Variants in ZMPSTE24 observed in about 807,000 individuals in gnomAD.
ZMPSTE24 encodes the protein zinc metallopeptidase STE24.
ZMPSTE24 carries 48 observed loss-of-function variants against 56.7 expected under a neutral mutation model. The ratio of observed to expected loss-of-function variants is 0.85; its 90% CI spans 0.67 to 1.08. The LOEUF (loss-of-function observed/expected upper bound fraction) is 1.08, where lower values mean the gene tolerates loss of function less well. Among genes scored for constraint, ZMPSTE24 ranks in the 50% least tolerant of loss-of-function variants. The probability of loss-of-function intolerance (pLI) is 0.00; values close to 1 mark genes in which losing one functional copy is unlikely to be tolerated. For synonymous variants in ZMPSTE24, 172 were observed against 195.2 expected, an observed-to-expected ratio of 0.88 and a Z score of 0.99; for missense variants, 503 against 548.7, an observed-to-expected ratio of 0.92 and a Z score of 0.83.
At chr1:40,267,901 A>AT in intron 3 of ZMPSTE24, 29 bp downstream of exon 3, 1 of 1,589,166 alleles carries the variant, frequency 6.3e-7, no homozygotes, top group Non-Finnish European at 8.6e-7. Flanking sequence ...TGTATTTGTC[A>AT]TGGTATTTCT....
chr1:40,261,457 C>T (rs934847027), intron 2 of ZMPSTE24, among the ~76,000 whole-genome samples: 2 of 151,920 alleles, frequency 1.3e-5, no homozygotes, highest in Non-Finnish European at 2.9e-5. Context: ...GCAAATGATC[C>T]TCCCACCTCA....
At chr1:40,276,794 C>T (rs557342867) in intron 6 of ZMPSTE24, among the ~76,000 whole-genome samples, 4 of 152,192 alleles carry the variant, frequency 2.6e-5, no homozygotes, top group Non-Finnish European at 4.4e-5. Context: ...TAGCCTCTTG[C>T]TTCTAGACTA....
intron 2 of ZMPSTE24, among the ~76,000 whole-genome samples, chr1:40,261,802 C>T (rs1382059140): frequency 3.9e-5 from 6 of 152,148 alleles, no homozygotes; most frequent in Admixed American, 6.6e-5. Context: ...CTCCACCTCC[C>T]GGGTTCAAGC....
rs770809635 is a variant in ZMPSTE24, at chr1:40,289,029, CA to C, written c.1060-1824del. On this transcript the variant is annotated intron_variant, in intron 8 of 9. Coordinates refer to ENST00000372759, the MANE Select transcript of ZMPSTE24 (RefSeq NM_005857.5). ...ACAGCAGTCCACTTTCATCTGGTGC[CA>C]GCATATTGTATTAAGTTATTGTAAA... Among the ~76,000 whole-genome samples, 12 of 152,064 alleles carry C rather than the reference CA, an allele frequency of 7.9e-5. 1 individual carries two copies. The highest frequency in any genetic ancestry group is 3.9e-4 in the East Asian group (2 of 5,170).
At position 40,270,113 on chromosome 1, in the gene ZMPSTE24, T is replaced by A; in HGVS notation, c.613T>A (p.Leu205Ile). 1 of 1,613,978 alleles carries A rather than the reference T, an allele frequency of 6.2e-7. No individual in the cohort carries two copies. The highest frequency in any genetic ancestry group is 8.5e-7 in the Non-Finnish European group (1 of 1,179,948). The part of the protein sequence containing the change: ...YFFIYAWLFT[L>I]VVSLVLVTIY... ...TTTTATTTATGCCTGGCTGTTCACA[T>A]TAGTTGTGTCTCTGGTGAGTAAAAT... The change falls in exon 5 of 10, where the codon TTA becomes ATA. Residue 205 changes from leucine to isoleucine, a missense_variant. Coordinates refer to ENST00000372759, the MANE Select transcript of ZMPSTE24 (RefSeq NM_005857.5).
At chr1:40,259,867 G>T (rs1307004388) in intron 1 of ZMPSTE24, among the ~76,000 whole-genome samples, 1 of 151,948 alleles carries the variant, frequency 6.6e-6, no homozygotes, top group African/African-American at 2.4e-5. Flanking sequence ...CCAAAGGGCT[G>T]GGATTACAGG....
chr1:40,275,365 C>T (rs770709857), intron 6 of ZMPSTE24, among the ~76,000 whole-genome samples: 11 of 151,012 alleles, frequency 7.3e-5, no homozygotes, highest in South Asian at 2.1e-4. Context: ...ACCCAGGAGG[C>T]GGAGGTTGCA....
intron 6 of ZMPSTE24, among the ~76,000 whole-genome samples, chr1:40,275,974 G>A (rs1004448149): frequency 6.6e-5 from 10 of 152,132 alleles, no homozygotes; most frequent in African/African-American, 2.4e-4. Context: ...GCTTTTTTAT[G>A]TAATTAGCTA....
In ZMPSTE24 at chr1:40,263,529, T is replaced by C. The variant is rs529565924; in HGVS notation, c.270+2544T>C. ...ATTGAAAAATCCATTCTTGAAACTCTAAAGACTGCAACATGAATGTGCTAA... is the reference window on the plus strand; with the variant it reads ...ATTGAAAAATCCATTCTTGAAACTCCAAAGACTGCAACATGAATGTGCTAA... On this transcript the variant is annotated intron_variant, in intron 2 of 9. Transcript: ENST00000372759. 2.0e-5 allele frequency among the ~76,000 whole-genome samples: 3 copies of C among 152,316 alleles called. No homozygotes were observed. The East Asian group carries it at 5.8e-4, about 29-fold the overall frequency.
At chr1:40,270,233 A>G in intron 5 of ZMPSTE24, 106 bp downstream of exon 5, 5 of 1,250,132 alleles carry the variant, frequency 4.0e-6, no homozygotes, top group Non-Finnish European at 5.8e-6. Context: ...TGAAATATAA[A>G]TAGGTGCTTA....
intron 4 of ZMPSTE24, 70 bp downstream of exon 4, chr1:40,268,605 A>G: frequency 2.0e-6 from 2 of 1,006,762 alleles, no homozygotes; most frequent in Non-Finnish European, 3.0e-6. Flanking sequence ...TGTACTGTTT[A>G]TAATTTAAAC....
At chr1:40,277,256 T>C (rs932234126) in intron 6 of ZMPSTE24, among the ~76,000 whole-genome samples, 3 of 152,026 alleles carry the variant, frequency 2.0e-5, no homozygotes, top group African/African-American at 7.3e-5. Flanking sequence ...CGGCTAATTT[T>C]TTTGTATTTT....
intron 2 of ZMPSTE24, among the ~76,000 whole-genome samples, chr1:40,264,487 C>G (rs952014384): frequency 3.3e-5 from 5 of 152,134 alleles, no homozygotes; most frequent in Admixed American, 2.0e-4. Flanking sequence ...TTACTTCAAC[C>G]TCTCAGTTAA....
Position 40,273,516 on chromosome 1 carries a change from TAAAAA to T in ZMPSTE24, c.769+1499_769+1503del, listed in dbSNP as rs1205861105. ...TGGGCAACAAGAGCCAAATTCTGTC[TAAAAA>T]AAAAAAAAAAAAAAAAATATATATA... On this transcript the variant is annotated intron_variant, in intron 6 of 9. Coordinates refer to ENST00000372759, the MANE Select transcript of ZMPSTE24 (RefSeq NM_005857.5). Among the ~76,000 whole-genome samples, 5 of 10,582 alleles carry T rather than the reference TAAAAA, an allele frequency of 4.7e-4. 1 individual carries two copies. The East Asian group carries it at 9.1e-3, about 19-fold the overall frequency. The allele number at this position is 10,582 out of a possible 152,430, so 6.9% of individuals were successfully genotyped here.
intron 7 of ZMPSTE24, among the ~76,000 whole-genome samples, chr1:40,284,616 G>A (rs1002194491): frequency 3.3e-5 from 5 of 152,040 alleles, no homozygotes; most frequent in African/African-American, 1.2e-4. Flanking sequence ...GCCGGGTGTG[G>A]TGGCATGCGC....
intron 6 of ZMPSTE24, among the ~76,000 whole-genome samples, chr1:40,272,349 G>C (rs1368733682): frequency 6.6e-6 from 1 of 152,086 alleles, no homozygotes; most frequent in East Asian, 1.9e-4. Flanking sequence ...TTATATATTA[G>C]ACTGATTTAT....
At chr1:40,287,186 C>A (rs1213830897) in intron 8 of ZMPSTE24, among the ~76,000 whole-genome samples, 1 of 151,952 alleles carries the variant, frequency 6.6e-6, no homozygotes, top group Admixed American at 6.6e-5. Context: ...CCAGCCTCTA[C>A]CTCCCTAGTA....
chr1:40,274,890 T>C (rs1412188115), intron 6 of ZMPSTE24, among the ~76,000 whole-genome samples: 1 of 152,062 alleles, frequency 6.6e-6, no homozygotes, highest in Non-Finnish European at 1.5e-5. Flanking sequence ...ATTGATTGCA[T>C]TGGGAGAATA....
At chr1:40,273,541 T>TAA (rs1643636921) in intron 6 of ZMPSTE24, among the ~76,000 whole-genome samples, 1 of 56,532 alleles carries the variant, frequency 1.8e-5, no homozygotes, top group Non-Finnish European at 3.1e-5. Context: ...AAAAAAAATA[T>TAA]ATATATATAT....
Sources: gnomAD v4.1 joint callset for allele counts (sites outside exome capture counted in the v4.1 genomes callset) on GRCh38, gnomAD v4.1.1 for gene constraint, MANE v1.5 for transcripts, NCBI Gene and HGNC (gene_info 2026-07-23, HGNC 2026-07-21) for gene names.